ARHGEF10L: variants seen among roughly 807,000 people sequenced by gnomAD.
The protein encoded by ARHGEF10L is rho guanine nucleotide exchange factor 10-like protein.
ARHGEF10L carries 69 observed loss-of-function variants against 141.2 expected under a neutral mutation model. That is an observed-to-expected ratio of 0.49 (90% CI 0.40 to 0.60). The LOEUF (loss-of-function observed/expected upper bound fraction) is 0.60. Among genes scored for constraint, ARHGEF10L ranks in the 20% least tolerant of loss-of-function variants. The probability of loss-of-function intolerance (pLI) is 0.00; values close to 1 mark genes in which losing one functional copy is unlikely to be tolerated. For missense variants in ARHGEF10L, 1,482 were observed against 1,734.3 expected (o/e 0.85, Z 2.58); for synonymous variants, 711 against 718.5 (o/e 0.99, Z 0.17).
chr1:17,516,558 T>G, the ARHGEF10L span, among the ~76,000 whole-genome samples: 1 of 151,962 alleles, frequency 6.6e-6, no homozygotes, highest in Non-Finnish European at 1.5e-5. Flanking sequence ...GCCGTGGGAG[T>G]GGAAGGCCCG....
rs765760627 is a variant in ARHGEF10L at position 17,638,580 on chromosome 1, G to A, written c.2062G>A (p.Ala688Thr). The A allele has an allele frequency of 6.2e-7, 1 of 1,614,084 alleles. No individual in the cohort carries two copies. The highest frequency in any genetic ancestry group is 8.5e-7 in the Non-Finnish European group (1 of 1,180,042). The change falls in exon 20 of 29, where the codon GCT becomes ACT. Residue 688 changes from alanine to threonine, a missense_variant. Coordinates refer to ENST00000361221, the MANE Select transcript of ARHGEF10L (RefSeq NM_018125.4). ...ACCCTAGAACCTGAACATGACTGTG[G>A]CTCAAGACTGGTGCCTGGCCCTGCA... ...GTYQNLNMTVAQDWCLALQRL... is the reference protein window; with the variant it reads ...GTYQNLNMTVTQDWCLALQRL...
At chr1:17,601,740 C>T (rs2080702089) in intron 4 of ARHGEF10L, among the ~76,000 whole-genome samples, 1 of 152,210 alleles carries the variant, frequency 6.6e-6, no homozygotes, top group African/African-American at 2.4e-5. Flanking sequence ...GCTACCGTGT[C>T]CAGCCAAGTC....
At position 17,635,717 on chromosome 1, in the gene ARHGEF10L, C is replaced by T. The variant is rs2101748380; in HGVS notation, c.1927+701C>T. ...ATTTTCCCCTTTATGGGTGATTGAT[C>T]GGTTGATGTCTCTCCTCTCAGCCTG... On this transcript the variant is annotated intron_variant, in intron 18 of 28. Transcript: ENST00000361221. 2.0e-5 allele frequency among the ~76,000 whole-genome samples: 3 copies of T among 152,290 alleles called. No individual in the cohort carries two copies. The South Asian group carries it at 6.2e-4, about 32-fold the overall frequency.
chr1:17,593,156 C>G (rs560024183), intron 4 of ARHGEF10L, among the ~76,000 whole-genome samples: 2 of 152,314 alleles, frequency 1.3e-5, no homozygotes, highest in African/African-American at 4.8e-5. Context: ...TTCAAGGAAT[C>G]CTGTGACGTT....
rs1216789887 is a variant in ARHGEF10L at position 17,666,969 on chromosome 1, AC to A, written c.3009+2377del. Reference sequence around the variant, plus strand: ...TTCCCAGGCCCTTTCGGGTCCTCTGACCCATCTGGGTCTCAAGCCAGGAAGG... The same window carrying A: ...TTCCCAGGCCCTTTCGGGTCCTCTGACCATCTGGGTCTCAAGCCAGGAAGG... On this transcript the variant is annotated intron_variant, in intron 26 of 28. Coordinates refer to ENST00000361221, the MANE Select transcript of ARHGEF10L (RefSeq NM_018125.4). Among the ~76,000 whole-genome samples, 11 of 149,452 alleles carry A rather than the reference AC, an allele frequency of 7.4e-5. No individual in the cohort carries two copies. The East Asian group carries it at 2.2e-3, about 30-fold the overall frequency.
Position 17,627,712 on chromosome 1 carries a change from C to G in ARHGEF10L, c.1584+209C>G, listed in dbSNP as rs747363683. 2.6e-5 allele frequency among the ~76,000 whole-genome samples: 4 copies of G among 152,170 alleles called. No homozygotes were observed. Among genetic ancestry groups the G allele is most frequent in the Non-Finnish European group, 5.9e-5 (4 of 68,026 alleles). ...TTCATGTTATTTTAAGATAAAAGTT[C>G]ATTTTGTGCATCAGTGTGATTTCCA... On this transcript the variant is annotated intron_variant, in intron 15 of 28. Coordinates refer to ENST00000361221, the MANE Select transcript of ARHGEF10L (RefSeq NM_018125.4). The surrounding 1 kb of genome is among the most constrained non-coding windows in gnomAD (Gnocchi z 4.0).
chr1:17,535,486 C>T (rs1463766335), upstream of ARHGEF10L, among the ~76,000 whole-genome samples: 3 of 152,172 alleles, frequency 2.0e-5, no homozygotes, highest in African/African-American at 2.4e-5. Flanking sequence ...GAGGCAGCGG[C>T]GGGGGCCCTG....
intron 25 of ARHGEF10L, among the ~76,000 whole-genome samples, chr1:17,660,225 ATCC>A (rs2102097076): frequency 6.6e-6 from 1 of 152,240 alleles, no homozygotes; most frequent in East Asian, 1.9e-4. Context: ...ATGCGGGACT[ATCC>A]CTGGTTGGGC....
intron 26 of ARHGEF10L, among the ~76,000 whole-genome samples, chr1:17,683,544 G>A (rs1376910289): frequency 6.6e-6 from 1 of 152,210 alleles, no homozygotes; most frequent in Non-Finnish European, 1.5e-5. Flanking sequence ...GTGGGCCCAG[G>A]AGGCTCAGGC....
At chr1:17,521,875 C>T in the ARHGEF10L span, among the ~76,000 whole-genome samples, 4 of 151,912 alleles carry the variant, frequency 2.6e-5, no homozygotes, top group South Asian at 6.3e-4. Flanking sequence ...GACTGTGTGA[C>T]GCTCTGGCTG....
chr1:17,559,085 C>A (rs2077451962), intron 1 of ARHGEF10L, among the ~76,000 whole-genome samples: 1 of 152,160 alleles, frequency 6.6e-6, no homozygotes, highest in African/African-American at 2.4e-5. Context: ...CAGCTAAGAG[C>A]CTTGGCCTCC....
rs1259910621 is a variant in ARHGEF10L, at chr1:17,638,640, T to G, written c.2122T>G (p.Ser708Ala). The change falls in exon 20 of 29, where the codon TCG becomes GCG. Residue 708 changes from serine (S) to alanine (A), a missense_variant. Ser to Ala is a moderately conservative substitution (Grantham distance 99). This residue lies in a region of ARHGEF10L where 858 missense variants were observed against 966.3 expected (regional missense o/e 0.89). Transcript: ENST00000361221. ...GCGGGTGAAGGAGGAAGAGATCCAC[T>G]CGGCCAACAAGTGCCGTCTCAGGCT... is the stretch of plus-strand genomic sequence containing the variant. ...LMRVKEEEIHSANKCRLRLLL... is the reference protein window; with the variant it reads ...LMRVKEEEIHAANKCRLRLLL... The G allele has an allele frequency of 2.5e-6, 4 of 1,614,074 alleles. No homozygotes were observed. Among genetic ancestry groups the G allele is most frequent in the Non-Finnish European group, 3.4e-6 (4 of 1,180,004 alleles).
chr1:17,574,760 G>T (rs140728299), intron 1 of ARHGEF10L, among the ~76,000 whole-genome samples: 1 of 152,200 alleles, frequency 6.6e-6, no homozygotes, highest in African/African-American at 2.4e-5. Context: ...GGCCCTTTGC[G>T]CTGAGAAGAG....
intron 4 of ARHGEF10L, among the ~76,000 whole-genome samples, chr1:17,590,650 A>C (rs1304766786): frequency 6.6e-6 from 1 of 152,192 alleles, no homozygotes; most frequent in Non-Finnish European, 1.5e-5. Context: ...GATGGACAGA[A>C]GGACAAGGAG....
rs1217064038 is a variant in ARHGEF10L, at chr1:17,639,642, GC to G, written c.2172-555del. 5.3e-6 allele frequency: 2 copies of G among 379,242 alleles called. No homozygotes were observed. The highest frequency in any genetic ancestry group is 4.2e-5 in the African/African-American group (2 of 47,564). The allele number at this position is 379,242 out of a possible 1,614,324, so 23.5% of individuals were successfully genotyped here. On this transcript the variant is annotated intron_variant, in intron 20 of 28. Transcript: ENST00000361221. This position sits in a 1 kb window ranked among gnomAD's most constrained non-coding sequence, Gnocchi z 4.3. ...GCCCACCTCCCAAAGGGCTGGGAAG[GC>G]CCCCACTGCTCTGAGGTGAGAGGAC...
intron 21 of ARHGEF10L, among the ~76,000 whole-genome samples, chr1:17,641,744 C>G (rs2061338800): frequency 6.6e-6 from 1 of 151,300 alleles, no homozygotes. Context: ...TTTGGGAGGC[C>G]GAGGCGGGCA....
At chr1:17,527,313 T>C in the ARHGEF10L span, among the ~76,000 whole-genome samples, 4 of 152,320 alleles carry the variant, frequency 2.6e-5, no homozygotes, top group African/African-American at 9.6e-5. Context: ...TAGGTCAGCA[T>C]GAGATCTTTT....
rs1329823784 is a variant in ARHGEF10L at position 17,697,249 on chromosome 1, T to C, written c.3709T>C (p.Ser1237Pro). 9 of 1,612,628 alleles carry C rather than the reference T, an allele frequency of 5.6e-6. No homozygotes were observed. Among genetic ancestry groups the C allele is most frequent in the Non-Finnish European group, 7.6e-6 (9 of 1,179,790 alleles). Reference sequence around the variant, plus strand: ...CGACGCCCACCGCAAGGAGATTTGCTCTGTGGCCATCATCTCCGGCGGGCA... The same window carrying C: ...CGACGCCCACCGCAAGGAGATTTGCCCTGTGGCCATCATCTCCGGCGGGCA... Reference protein sequence around the residue: ...ARDAHRKEICSVAIISGGQGY... With the variant: ...ARDAHRKEICPVAIISGGQGY... The change falls in exon 29 of 29, where the codon TCT becomes CCT. Residue 1237 changes from serine to proline, a missense_variant. By Grantham distance (74) the Ser-to-Pro change is moderately conservative. Transcript: ENST00000361221. The surrounding 1 kb of genome is among the most constrained non-coding windows in gnomAD (Gnocchi z 4.8).
intron 21 of ARHGEF10L, among the ~76,000 whole-genome samples, chr1:17,642,963 C>T (rs985291274): frequency 2.0e-5 from 3 of 152,190 alleles, no homozygotes; most frequent in East Asian, 1.9e-4. Context: ...GACGGTGATT[C>T]GGGCAGCCCC....
Sources: allele counts gnomAD v4.1 joint callset (sites outside exome capture counted in the v4.1 genomes callset), GRCh38; gene constraint gnomAD v4.1.1; regional missense constraint gnomAD v4.1.1; non-coding constraint Gnocchi (gnomAD v3.1); transcripts MANE v1.5; gene names NCBI Gene and HGNC (gene_info 2026-07-23, HGNC 2026-07-21).